ARMC9: variants seen among roughly 807,000 people sequenced by gnomAD.
ARMC9 encodes armadillo repeat containing 9.
ARMC9 carries 94 observed loss-of-function variants against 107.0 expected under a neutral mutation model. The ratio of observed to expected loss-of-function variants is 0.88; its 90% CI spans 0.74 to 1.04. The LOEUF (loss-of-function observed/expected upper bound fraction) is 1.04. ARMC9 is among the 50% of genes least tolerant of loss of function. The pLI is 0.00. For missense variants in ARMC9, 942 were observed against 1,030.1 expected, an observed-to-expected ratio of 0.91 and a Z score of 1.17; for synonymous variants, 380 against 396.9, an observed-to-expected ratio of 0.96 and a Z score of 0.51.
chr2:231,338,529 A>G (rs1376837628), intron 20 of ARMC9, among the ~76,000 whole-genome samples: 1 of 145,334 alleles, frequency 6.9e-6, no homozygotes, highest in African/African-American at 2.6e-5. Context: ...GCCCGGCCCC[A>G]ATTCACTTTT....
chr2:231,279,262 C>T (rs764332707), intron 16 of ARMC9, among the ~76,000 whole-genome samples: 1 of 152,186 alleles, frequency 6.6e-6, no homozygotes, highest in Non-Finnish European at 1.5e-5. Flanking sequence ...GGGCCCCAAG[C>T]ACTTTTTAAA....
chr2:231,339,384 C>T (rs2044353027), intron 20 of ARMC9, among the ~76,000 whole-genome samples: 1 of 151,786 alleles, frequency 6.6e-6, no homozygotes, highest in African/African-American at 2.4e-5. Flanking sequence ...AAATCAACAC[C>T]TGTAGAAAAT....
chr2:231,209,005 G>A (rs1402776641), intron 3 of ARMC9, among the ~76,000 whole-genome samples: 3 of 152,028 alleles, frequency 2.0e-5, no homozygotes, highest in Non-Finnish European at 2.9e-5. Context: ...GGATTCAAGC[G>A]ATTCTCCTGC....
At chr2:231,347,841 C>A (rs1358603041) in intron 21 of ARMC9, among the ~76,000 whole-genome samples, 2 of 152,190 alleles carry the variant, frequency 1.3e-5, no homozygotes, top group African/African-American at 4.8e-5. Context: ...CCCTGCCTGC[C>A]TTTGGCTTTC....
At chr2:231,366,385 GC>G (rs1307259072) in intron 23 of ARMC9, among the ~76,000 whole-genome samples, 1 of 152,128 alleles carries the variant, frequency 6.6e-6, no homozygotes, top group African/African-American at 2.4e-5. Context: ...CCATGGCCCA[GC>G]CAAATTGACA....
chr2:231,351,058 C>T (rs1323681497), intron 21 of ARMC9, among the ~76,000 whole-genome samples: 1 of 136,570 alleles, frequency 7.3e-6, no homozygotes, highest in Admixed American at 7.6e-5. Flanking sequence ...TCCCAGTTCA[C>T]GCCATTCTCC....
intron 21 of ARMC9, among the ~76,000 whole-genome samples, chr2:231,350,554 C>G (rs577764770): frequency 2.0e-5 from 3 of 149,402 alleles, no homozygotes; most frequent in East Asian, 2.0e-4. Context: ...TCCCAGAGGT[C>G]GTGGCTGCAG....
chr2:231,233,633 G>A (rs1019699739), intron 7 of ARMC9, among the ~76,000 whole-genome samples: 17 of 152,036 alleles, frequency 1.1e-4, no homozygotes, highest in Admixed American at 3.3e-4. Context: ...AAAATTAGCC[G>A]GGCATGGTGG....
At chr2:231,202,196 T>C (rs528280350) in intron 1 of ARMC9, among the ~76,000 whole-genome samples, 199 of 152,046 alleles carry the variant, frequency 1.3e-3, no homozygotes, top group African/African-American at 4.3e-3. Context: ...GATGGGGTTT[T>C]ACCATGCTGG....
At position 231,272,958 on chromosome 2, in the gene ARMC9, G is replaced by T; in HGVS notation, c.1214G>T (p.Arg405Leu). 6.2e-7 allele frequency: 1 copy of T among 1,612,932 alleles called. No homozygotes were observed. The highest frequency in any genetic ancestry group is 8.5e-7 in the Non-Finnish European group (1 of 1,179,634). Reference protein sequence around the residue: ...INAFASLAEGRLYLAQNTKVL... With the variant: ...INAFASLAEGLLYLAQNTKVL... ...TTCATCTCTGGTGTATTATCAGGTC[G>T]CCTCTACCTTGCCCAGAACACAAAG... Residue 405 changes from arginine to leucine, a missense_variant, in exon 14 of 25, where the codon CGC (arginine) becomes CTC (leucine). Arg to Leu is a moderately radical substitution (Grantham distance 102). Coordinates refer to ENST00000611582, the MANE Select transcript of ARMC9 (RefSeq NM_001352754.2).
intron 19 of ARMC9, among the ~76,000 whole-genome samples, chr2:231,328,862 T>G (rs2043525726): frequency 6.8e-6 from 1 of 146,448 alleles, no homozygotes; most frequent in Non-Finnish European, 1.5e-5. Flanking sequence ...TCGCCCAGGC[T>G]GGAGTGCAAT....
intron 20 of ARMC9, among the ~76,000 whole-genome samples, chr2:231,335,147 C>G (rs1013008334): frequency 1.3e-5 from 2 of 152,190 alleles, no homozygotes; most frequent in Non-Finnish European, 2.9e-5. Flanking sequence ...AAGAAGTTTT[C>G]AGAAGGCACC....
intron 1 of ARMC9, among the ~76,000 whole-genome samples, chr2:231,199,936 G>T (rs1199561692): frequency 6.6e-6 from 1 of 152,160 alleles, no homozygotes; most frequent in Admixed American, 6.6e-5. Flanking sequence ...GACCTCAGGT[G>T]ATCCGCCTGC....
intron 5 of ARMC9, among the ~76,000 whole-genome samples, chr2:231,220,372 G>A (rs537277114): frequency 7.2e-5 from 11 of 152,002 alleles, no homozygotes; most frequent in Middle Eastern, 3.4e-3. Context: ...CAAGGTGGGC[G>A]GATCACCTGA....
rs3731777 is a variant in ARMC9 at position 231,278,331 on chromosome 2, G to A, written c.1475-51G>A. 1.1e-3 allele frequency: 1,755 copies of A among 1,576,652 alleles called. 37 individuals carry two copies. The East Asian group carries it at 0.035, about 32-fold the overall frequency. Reference sequence around the variant, plus strand: ...CTCCAAGTCTACCTGACCTAAAATTGTGCTTCTGGGTTTAGACATGTCATG... The same window carrying A: ...CTCCAAGTCTACCTGACCTAAAATTATGCTTCTGGGTTTAGACATGTCATG... On this transcript the variant is annotated intron_variant, in intron 15 of 24. Transcript: ENST00000611582.
chr2:231,354,012 C>CAA (rs1448800499), intron 21 of ARMC9, among the ~76,000 whole-genome samples: 1 of 147,186 alleles, frequency 6.8e-6, no homozygotes, highest in African/African-American at 2.7e-5. Flanking sequence ...CACACACACA[C>CAA]ACACCATATA....
intron 3 of ARMC9, among the ~76,000 whole-genome samples, chr2:231,211,149 C>T (rs1217616397): frequency 6.6e-6 from 1 of 151,198 alleles, no homozygotes; most frequent in African/African-American, 2.5e-5. Context: ...CACACACACA[C>T]ACACACACAC....
At chr2:231,333,885 G>T (rs1264085750) in intron 20 of ARMC9, among the ~76,000 whole-genome samples, 1 of 152,250 alleles carries the variant, frequency 6.6e-6, no homozygotes, top group African/African-American at 2.4e-5. Flanking sequence ...CCGGCAAAAT[G>T]CCATGGGGGA....
intron 18 of ARMC9, 70 bp from the exon 19 acceptor site, chr2:231,296,128 G>C: frequency 8.3e-7 from 1 of 1,209,464 alleles, no homozygotes; most frequent in Non-Finnish European, 1.2e-6. Context: ...CTCTGCAGAG[G>C]CTGACAGATT....
Sources: allele counts gnomAD v4.1 joint callset (sites outside exome capture counted in the v4.1 genomes callset), GRCh38; gene constraint gnomAD v4.1.1; transcripts MANE v1.5; gene names NCBI Gene and HGNC (gene_info 2026-07-23, HGNC 2026-07-21).